The following EPHA4 variants were observed in gnomAD, a reference collection of about 807,000 sequenced individuals.
EPHA4 encodes ephrin type-A receptor 4.
Under a neutral mutation model 108.3 loss-of-function variants are expected in EPHA4, and 19 were observed. That is an observed-to-expected ratio of 0.18 (90% CI 0.12 to 0.26). The LOEUF is 0.26. EPHA4 is among the 10% of genes least tolerant of loss of function. The probability of loss-of-function intolerance (pLI) is 1.00; values close to 1 mark genes in which losing one functional copy is unlikely to be tolerated. For synonymous variants in EPHA4, 449 were observed against 455.5 expected (o/e 0.99, Z 0.18); for missense variants, 917 against 1,254.0 (o/e 0.73, Z 4.06).
At chr2:221,441,432 T>G (rs762981702) in intron 11 of EPHA4, among the ~76,000 whole-genome samples, 1 of 151,882 alleles carries the variant, frequency 6.6e-6, no homozygotes, top group Non-Finnish European at 1.5e-5. Context: ...GAAGATTATC[T>G]TCCTATTCCT....
At chr2:221,422,997 C>G (rs1689799047) in intron 17 of EPHA4, among the ~76,000 whole-genome samples, 1 of 152,208 alleles carries the variant, frequency 6.6e-6, no homozygotes, top group Non-Finnish European at 1.5e-5. Flanking sequence ...AGTGAAGAAG[C>G]TTCACTGTGT....
chr2:221,544,408 C>T (rs1308810155), intron 3 of EPHA4, among the ~76,000 whole-genome samples: 5 of 152,180 alleles, frequency 3.3e-5, no homozygotes, highest in African/African-American at 7.2e-5. Context: ...TCACTGCAAC[C>T]TCCACCTCCC....
intron 3 of EPHA4, among the ~76,000 whole-genome samples, chr2:221,521,088 A>G (rs969279455): frequency 6.6e-6 from 1 of 152,246 alleles, no homozygotes; most frequent in Non-Finnish European, 1.5e-5. Context: ...ATTATTTCAT[A>G]CACAACAAGG....
At chr2:221,460,088 A>T (rs760018691) in intron 5 of EPHA4, among the ~76,000 whole-genome samples, 1 of 152,198 alleles carries the variant, frequency 6.6e-6, no homozygotes, top group Non-Finnish European at 1.5e-5. Context: ...ATATGAACTC[A>T]ACTAAGGTGC....
At chr2:221,540,167 G>T (rs561805263) in intron 3 of EPHA4, among the ~76,000 whole-genome samples, 5 of 152,102 alleles carry the variant, frequency 3.3e-5, no homozygotes, top group African/African-American at 1.2e-4. Context: ...TGATCTGCCC[G>T]CCTCGTCCTC....
Position 221,426,490 on chromosome 2 carries a change from T to C in EPHA4, c.2820A>G (p.Leu940=). 1.9e-6 allele frequency: 3 copies of C among 1,612,788 alleles called. No individual in the cohort carries two copies. The highest frequency in any genetic ancestry group is 2.5e-6 in the Non-Finnish European group (3 of 1,179,750). The stretch of plus-strand genomic sequence containing the variant: ...CCTGGTTCACGTGCACCACAGCCTC[T>C]AGTGTGGTATAACCAGCAGCTGTGA... ...DNFTAAGYTT[L]EAVVHVNQED... is the part of the protein sequence containing the mutation. The change falls in exon 16 of 18, where the codon CTA becomes CTG. Residue 940 remains leucine, a synonymous_variant. Transcript: ENST00000281821.
intron 8 of EPHA4, among the ~76,000 whole-genome samples, chr2:221,452,249 G>A (rs553690619): frequency 6.6e-6 from 1 of 152,378 alleles, no homozygotes; most frequent in East Asian, 1.9e-4. Context: ...GTGATTCTAA[G>A]AAGCACAAAG....
intron 5 of EPHA4, among the ~76,000 whole-genome samples, chr2:221,460,247 A>C (rs1691096695): frequency 6.6e-6 from 1 of 152,192 alleles, no homozygotes; most frequent in Non-Finnish European, 1.5e-5. Context: ...AAAATGGAGA[A>C]TAAGGAGAGA....
chr2:221,426,979 C>T (rs536564034), intron 15 of EPHA4, among the ~76,000 whole-genome samples: 5 of 152,286 alleles, frequency 3.3e-5, no homozygotes, highest in South Asian at 4.1e-4. Context: ...CAGTCTCTGC[C>T]AGTACTGAAT....
chr2:221,570,294 T>C (rs560769623), intron 1 of EPHA4, among the ~76,000 whole-genome samples: 66 of 148,840 alleles, frequency 4.4e-4, no homozygotes, highest in African/African-American at 1.5e-3. Context: ...AGCCTTTTTG[T>C]CTTGGGCTCC....
At chr2:221,518,655 T>C (rs1693062309) in intron 3 of EPHA4, among the ~76,000 whole-genome samples, 3 of 152,242 alleles carry the variant, frequency 2.0e-5, no homozygotes, top group African/African-American at 2.4e-5. Flanking sequence ...ACGAAGATCA[T>C]TTCAGATTTA....
intron 3 of EPHA4, among the ~76,000 whole-genome samples, chr2:221,527,854 G>A (rs887455492): frequency 1.3e-5 from 2 of 152,098 alleles, no homozygotes; most frequent in African/African-American, 4.8e-5. Flanking sequence ...GTCGGAGCAG[G>A]GTGGAGTCCA....
At chr2:221,446,262 C>T (rs1046530436) in intron 8 of EPHA4, 81 bp from the exon 9 acceptor site, 2 of 796,736 alleles carry the variant, frequency 2.5e-6, no homozygotes, top group Non-Finnish European at 3.7e-6. Flanking sequence ...AAATTCTTTG[C>T]TACTGTAAGT....
intron 4 of EPHA4, among the ~76,000 whole-genome samples, chr2:221,490,108 T>C (rs1692095601): frequency 6.8e-6 from 1 of 147,284 alleles, no homozygotes; most frequent in African/African-American, 2.5e-5. Context: ...ATCATGCCAC[T>C]GTACTCTAGC....
At chr2:221,427,184 C>G (rs1435835468) in intron 15 of EPHA4, among the ~76,000 whole-genome samples, 1 of 152,192 alleles carries the variant, frequency 6.6e-6, no homozygotes. Flanking sequence ...TTAATCCCCT[C>G]TTTAATCAAT....
intron 14 of EPHA4, among the ~76,000 whole-genome samples, chr2:221,430,463 C>T (rs1237485010): frequency 6.6e-6 from 1 of 152,142 alleles, no homozygotes. Context: ...GGCCCTGCCC[C>T]CTGCCCCCTG....
At chr2:221,483,331 C>A (rs1280060250) in intron 4 of EPHA4, among the ~76,000 whole-genome samples, 2 of 152,178 alleles carry the variant, frequency 1.3e-5, no homozygotes, top group Non-Finnish European at 2.9e-5. Flanking sequence ...CCCTTTAACT[C>A]GTGCATTCCC....
chr2:221,560,639 G>C lies in EPHA4; in HGVS notation c.823+3092C>G, dbSNP rs537458916. Among the ~76,000 whole-genome samples, 4 of 152,288 alleles carry C rather than the reference G, an allele frequency of 2.6e-5. No individual in the cohort carries two copies. In the South Asian group the frequency reaches 6.2e-4, roughly 24 times the overall value. ...GAGCACAATGACAACAGAAATGCTA[G>C]TATCAAGTTGTTGCATGATCTCTGA... On this transcript the variant is annotated intron_variant, in intron 3 of 17. Coordinates refer to ENST00000281821, the MANE Select transcript of EPHA4 (RefSeq NM_004438.5).
intron 3 of EPHA4, among the ~76,000 whole-genome samples, chr2:221,558,452 T>C (rs1694364195): frequency 6.6e-6 from 1 of 152,022 alleles, no homozygotes; most frequent in Admixed American, 6.6e-5. Flanking sequence ...CGCCATTAAC[T>C]AGTAAAGTTC....
Sources: gnomAD v4.1 joint callset for allele counts (sites outside exome capture counted in the v4.1 genomes callset) on GRCh38, gnomAD v4.1.1 for gene constraint, MANE v1.5 for transcripts, NCBI Gene and HGNC (gene_info 2026-07-23, HGNC 2026-07-21) for gene names.